The following MRC1 variants were observed in gnomAD, a reference collection of about 807,000 sequenced individuals.
MRC1 encodes the protein macrophage mannose receptor 1.
Under a neutral mutation model 102.9 loss-of-function variants are expected in MRC1, and 62 were observed. The observed-to-expected ratio is 0.60, with a 90% CI of 0.49 to 0.74. The LOEUF is 0.74. Ranked by LOEUF, MRC1 falls within the 30% of genes least tolerant of loss-of-function variation. The probability of loss-of-function intolerance (pLI) is 0.00; values close to 1 mark genes in which losing one functional copy is unlikely to be tolerated. For synonymous variants in MRC1, 457 were observed against 298.4 expected (o/e 1.53, Z -5.48); for missense variants, 1,237 against 862.8 (o/e 1.43, Z -5.43).
intron 22 of MRC1, among the ~76,000 whole-genome samples, chr10:17,887,915 G>T (rs1206687587): frequency 6.6e-6 from 1 of 152,114 alleles, no homozygotes; most frequent in Non-Finnish European, 1.5e-5. Flanking sequence ...TGATTCTCCT[G>T]CCCCAGCCTC....
chr10:17,816,430 C>G (rs1178507425), intron 1 of MRC1, among the ~76,000 whole-genome samples: 1 of 152,054 alleles, frequency 6.6e-6, no homozygotes, highest in Non-Finnish European at 1.5e-5. Flanking sequence ...TGTAGGAGCT[C>G]TGGGCGACGG....
intron 1 of MRC1, among the ~76,000 whole-genome samples, chr10:17,821,406 C>T (rs2130587620): frequency 6.6e-6 from 1 of 152,234 alleles, no homozygotes; most frequent in East Asian, 1.9e-4. Context: ...CACCTTTACC[C>T]AAAAATATAC....
At chr10:17,900,677 G>C (rs1277040909) in intron 24 of MRC1, 111 bp from the exon 25 acceptor site, 3 of 764,030 alleles carry the variant, frequency 3.9e-6, no homozygotes, top group African/African-American at 3.4e-5. Flanking sequence ...AATGTTCCAG[G>C]TTCTATGTCA....
At chr10:17,877,341 T>A (rs1160112717) in intron 17 of MRC1, among the ~76,000 whole-genome samples, 1 of 148,050 alleles carries the variant, frequency 6.8e-6, no homozygotes, top group Non-Finnish European at 1.5e-5. Flanking sequence ...ATAGAAAATA[T>A]ATGTAATACA....
At chr10:17,822,450 T>C (rs1838410359) in intron 1 of MRC1, among the ~76,000 whole-genome samples, 1 of 152,130 alleles carries the variant, frequency 6.6e-6, no homozygotes, top group South Asian at 2.1e-4. Context: ...ACAGTGACTC[T>C]ATCTCTACAA....
intron 11 of MRC1, among the ~76,000 whole-genome samples, chr10:17,866,204 C>A (rs976175339): frequency 1.8e-4 from 27 of 149,194 alleles, no homozygotes; most frequent in Middle Eastern, 6.9e-3. Flanking sequence ...CCTACGTAGA[C>A]CTTAGTGGGA....
chr10:17,847,422 G>A lies in MRC1; in HGVS notation c.1063+1987G>A, dbSNP rs929454185. 3.8e-3 allele frequency among the ~76,000 whole-genome samples: 571 copies of A among 152,202 alleles called. 2 individuals carry two copies. The highest frequency in any genetic ancestry group is 0.013 in the African/African-American group (535 of 41,528). ...TTCCTCCATGATGCCTTCTTCACTCGCTAACCACTTGATGTCAGTTTCTGA... is the reference window on the plus strand; with the variant it reads ...TTCCTCCATGATGCCTTCTTCACTCACTAACCACTTGATGTCAGTTTCTGA... On this transcript the variant is annotated intron_variant, in intron 6 of 29. Coordinates refer to ENST00000569591, the MANE Select transcript of MRC1 (RefSeq NM_002438.4).
At position 17,823,167 on chromosome 10, in the gene MRC1, A is replaced by T. The variant is rs1554838387; in HGVS notation, c.155A>T (p.Asp52Val). The T allele has an allele frequency of 5.1e-6, 4 of 780,872 alleles. No homozygotes were observed. In the Admixed American group the frequency reaches 6.8e-5, roughly 13 times the overall value. 48.4% of individuals were successfully genotyped at this position (780,872 alleles called of 1,614,324 possible). Residue 52 changes from aspartate to valine, a missense_variant, in exon 2 of 30, where the codon GAT (aspartate) becomes GTT (valine). Transcript: ENST00000569591. ...SAVQTAACNQ[D>V]AESQKFRWVS... ...GTCCAAACCGCAGCTTGCAACCAGGATGCCGAATCACAGAAATTCCGATGG... is the reference window on the plus strand; with the variant it reads ...GTCCAAACCGCAGCTTGCAACCAGGTTGCCGAATCACAGAAATTCCGATGG...
intron 14 of MRC1, 33 bp from the exon 15 acceptor site, chr10:17,871,949 G>C: frequency 1.3e-6 from 1 of 778,710 alleles, no homozygotes; most frequent in South Asian, 1.3e-5. Context: ...GATACAAATG[G>C]TTAATGGTTG....
intron 5 of MRC1, 146 bp from the exon 6 acceptor site, chr10:17,845,143 G>A: frequency 1.3e-6 from 1 of 779,392 alleles, no homozygotes; most frequent in Admixed American, 1.7e-5. Flanking sequence ...TCTGCAGTCA[G>A]TAAATATTTT....
chr10:17,896,622 T>C (rs1833758960), intron 23 of MRC1, among the ~76,000 whole-genome samples: 2 of 152,204 alleles, frequency 1.3e-5, no homozygotes, highest in Admixed American at 1.3e-4. Context: ...AAAGGTAGCA[T>C]ATAAACTTTT....
At chr10:17,849,265 G>A (rs1308288433) in intron 6 of MRC1, among the ~76,000 whole-genome samples, 16 of 146,704 alleles carry the variant, frequency 1.1e-4, no homozygotes, top group African/African-American at 2.5e-4. Flanking sequence ...TCACACCACC[G>A]CACTCTGGCC....
intron 22 of MRC1, among the ~76,000 whole-genome samples, chr10:17,887,889 A>T (rs945177275): frequency 5.9e-5 from 9 of 151,778 alleles, no homozygotes; most frequent in Non-Finnish European, 7.4e-5. Context: ...TGCAACTTCC[A>T]CCTCCCGGGT....
rs1032759748 is a variant in MRC1 at position 17,905,417 on chromosome 10, A to G, written c.3800-1469A>G. Reference sequence around the variant, plus strand: ...TTCTCATTGGTTTTATAGAAAAAATAATTTTCAGAAGAACTTATTCTGCAT... The same window carrying G: ...TTCTCATTGGTTTTATAGAAAAAATGATTTTCAGAAGAACTTATTCTGCAT... On this transcript the variant is annotated intron_variant, in intron 26 of 29. Coordinates refer to ENST00000569591, the MANE Select transcript of MRC1 (RefSeq NM_002438.4). Among the ~76,000 whole-genome samples, 4 of 152,304 alleles carry G rather than the reference A, an allele frequency of 2.6e-5. No homozygotes were observed. In the East Asian group the frequency reaches 7.7e-4, roughly 29 times the overall value.
intron 22 of MRC1, among the ~76,000 whole-genome samples, chr10:17,890,645 C>T (rs1833658723): frequency 1.3e-5 from 2 of 152,242 alleles, no homozygotes; most frequent in Non-Finnish European, 2.9e-5. Flanking sequence ...GTCTTTGTCA[C>T]ATCTGTGTCT....
At chr10:17,884,238 G>A (rs1833558475) in intron 21 of MRC1, among the ~76,000 whole-genome samples, 1 of 152,072 alleles carries the variant, frequency 6.6e-6, no homozygotes. Flanking sequence ...CAAAGCACTA[G>A]GATTATAAGC....
Position 17,835,212 on chromosome 10 carries a change from A to C in MRC1, c.802+1373A>C, listed in dbSNP as rs1001228286. 6.5e-4 allele frequency among the ~76,000 whole-genome samples: 99 copies of C among 152,264 alleles called. 3 individuals are homozygous for C. In the South Asian group the frequency reaches 0.018, roughly 28 times the overall value. On this transcript the variant is annotated intron_variant, in intron 4 of 29. Transcript: ENST00000569591. The stretch of plus-strand genomic sequence containing the variant: ...TTGTGTACAGTTGAAATGCAATTCT[A>C]TTTCCATCTGCATTTCTCTTATTTG...
intron 5 of MRC1, among the ~76,000 whole-genome samples, chr10:17,843,042 C>T (rs1270863812): frequency 2.0e-5 from 3 of 152,130 alleles, no homozygotes; most frequent in Non-Finnish European, 4.4e-5. Context: ...AAAATATATT[C>T]ACTTTTGAAG....
At chr10:17,842,098 G>A (rs1359051475) in intron 5 of MRC1, among the ~76,000 whole-genome samples, 5 of 152,136 alleles carry the variant, frequency 3.3e-5, no homozygotes, top group Admixed American at 3.3e-4. Context: ...AAGAGGCTGG[G>A]ATTACAAGCA....
Sources: allele counts gnomAD v4.1 joint callset (sites outside exome capture counted in the v4.1 genomes callset), GRCh38; gene constraint gnomAD v4.1.1; transcripts MANE v1.5; gene names NCBI Gene and HGNC (gene_info 2026-07-23, HGNC 2026-07-21).